Variants in HSD17B2 observed in about 807,000 individuals in gnomAD.
HSD17B2 encodes 17-beta-hydroxysteroid dehydrogenase type 2.
A neutral mutation model predicts 26.9 loss-of-function variants in HSD17B2; 32 were observed. The ratio of observed to expected loss-of-function variants is 1.19; its 90% confidence interval spans 0.90 to 1.60. The LOEUF (loss-of-function observed/expected upper bound fraction) is 1.60. HSD17B2 is among the 40% of genes most tolerant of loss of function. HSD17B2 has a pLI of 0.00. For missense variants in HSD17B2, 613 were observed against 468.6 expected, an observed-to-expected ratio of 1.31 and a Z score of -2.85; for synonymous variants, 246 against 186.7, an observed-to-expected ratio of 1.32 and a Z score of -2.59.
chr16:82,050,503 G>C (rs1220498581), intron 1 of HSD17B2, among the ~76,000 whole-genome samples: 1 of 151,976 alleles, frequency 6.6e-6, no homozygotes, highest in Non-Finnish European at 1.5e-5. Context: ...GTCTCTTTAA[G>C]TTGTTCTCTG....
rs755707814 is a variant in HSD17B2 at position 82,090,904 on chromosome 16, G to A, written c.667G>A (p.Gly223Arg). The change falls in exon 4 of 5, where the codon GGG becomes AGG. Residue 223 changes from glycine to arginine, a missense_variant and splice_region_variant. Coordinates refer to ENST00000199936, the MANE Select transcript of HSD17B2 (RefSeq NM_002153.3). ...TTTTTCTCCCATTATTCCCATAGGA[G>A]GGGCCCCAATGGAAAGGCTGGCATC... ...RLVNVSSMGG[G>R]APMERLASYG... is the part of the protein sequence containing the mutation. 2 of 1,610,166 alleles carry A rather than the reference G, an allele frequency of 1.2e-6. No individual in the cohort carries two copies. Among genetic ancestry groups the A allele is most frequent in the East Asian group, 4.5e-5 (2 of 44,826 alleles).
chr16:82,038,804 G>C (rs1030386390), intron 1 of HSD17B2, among the ~76,000 whole-genome samples: 3 of 152,174 alleles, frequency 2.0e-5, no homozygotes, highest in Admixed American at 1.3e-4. Context: ...GTGAGACATT[G>C]AGAAGTCCTC....
chr16:82,074,643 AG>A (rs2143990878), intron 3 of HSD17B2, among the ~76,000 whole-genome samples: 1 of 152,354 alleles, frequency 6.6e-6, no homozygotes, highest in East Asian at 1.9e-4. Flanking sequence ...ATTCAGCATG[AG>A]GATATAACCA....
chr16:82,036,653 AG>A (rs1677505466), intron 1 of HSD17B2, among the ~76,000 whole-genome samples: 2 of 152,164 alleles, frequency 1.3e-5, no homozygotes, highest in African/African-American at 4.8e-5. Context: ...TTTGGGTTAA[AG>A]TAAAATGCTT....
intron 4 of HSD17B2, chr16:82,092,550 A>G (rs1431735199): frequency 6.6e-6 from 1 of 152,240 alleles, no homozygotes; most frequent in African/African-American, 2.4e-5. Flanking sequence ...GGCTTGAAAC[A>G]CTTGATAGCT....
chr16:82,081,113 C>T (rs1904367261), intron 3 of HSD17B2, among the ~76,000 whole-genome samples: 1 of 152,160 alleles, frequency 6.6e-6, no homozygotes. Context: ...CATCCATCTA[C>T]TCTTAGCTGC....
At chr16:82,094,477 T>C (rs183101725) in intron 4 of HSD17B2, 1 of 152,316 alleles carries the variant, frequency 6.6e-6, no homozygotes, top group Admixed American at 6.5e-5. Flanking sequence ...GGATCTGGTA[T>C]CCCACGTACA....
chr16:82,061,511 G>C (rs568762271), intron 1 of HSD17B2, among the ~76,000 whole-genome samples: 25 of 152,188 alleles, frequency 1.6e-4, no homozygotes, highest in African/African-American at 6.0e-4. Flanking sequence ...CCAGAATCCA[G>C]GTTATCATCA....
intron 1 of HSD17B2, among the ~76,000 whole-genome samples, chr16:82,040,109 C>G (rs1466666255): frequency 1.3e-5 from 2 of 152,176 alleles, no homozygotes; most frequent in Non-Finnish European, 2.9e-5. Flanking sequence ...AATTTCAAAA[C>G]TGGATATATT....
At chr16:82,067,622 T>C (rs948944986) in intron 1 of HSD17B2, among the ~76,000 whole-genome samples, 3 of 152,172 alleles carry the variant, frequency 2.0e-5, no homozygotes, top group African/African-American at 7.2e-5. Flanking sequence ...AGACCATGGA[T>C]AGGGAAAAAG....
chr16:82,036,481 C>A (rs1913629709), intron 1 of HSD17B2, among the ~76,000 whole-genome samples: 1 of 151,482 alleles, frequency 6.6e-6, no homozygotes, highest in Non-Finnish European at 1.5e-5. Flanking sequence ...TTATCCTAAC[C>A]CAGAAAGCCC....
intron 1 of HSD17B2, among the ~76,000 whole-genome samples, chr16:82,057,418 C>T (rs1265138120): frequency 2.6e-5 from 4 of 152,086 alleles, no homozygotes; most frequent in Non-Finnish European, 2.9e-5. Flanking sequence ...AGGATGCTCT[C>T]GATTTCCTGA....
At position 82,035,285 on chromosome 16, in the gene HSD17B2, GC is replaced by G. The variant is rs1913591539; in HGVS notation, c.-139del. ...GGGAATATGATTATGCTTAATCTAT[GC>G]TCAGTTGAAAGGGGCTGGGGCTGCT... On this transcript the variant is annotated 5_prime_UTR_variant, in exon 1 of 5. An upstream open reading frame in the 5' UTR gains an earlier in-frame stop. Transcript: ENST00000199936. The G allele has an allele frequency of 1.5e-6, 1 of 678,408 alleles. No homozygotes were observed. The highest frequency in any genetic ancestry group is 2.8e-5 in the Admixed American group (1 of 35,360). 42.0% of individuals were successfully genotyped at this position (678,408 alleles called of 1,614,324 possible). A position where few individuals can be genotyped will look rare whatever the true frequency, so the allele number is the denominator to read the frequency against.
chr16:82,060,691 T>C (rs1393662222), intron 1 of HSD17B2, among the ~76,000 whole-genome samples: 1 of 152,184 alleles, frequency 6.6e-6, no homozygotes, highest in East Asian at 1.9e-4. Context: ...GATTCCACTA[T>C]GAGAAAGGGT....
chr16:82,093,707 G>A (rs1371674756), intron 4 of HSD17B2: 1 of 152,118 alleles, frequency 6.6e-6, no homozygotes, highest in African/African-American at 2.4e-5. Context: ...AATCTGTAGA[G>A]TAAAGTGAAA....
At chr16:82,046,069 T>C (rs946919702) in intron 1 of HSD17B2, among the ~76,000 whole-genome samples, 3 of 152,220 alleles carry the variant, frequency 2.0e-5, no homozygotes, top group African/African-American at 7.2e-5. Flanking sequence ...GGGTGCTGAC[T>C]GGGAGCAGGA....
intron 1 of HSD17B2, among the ~76,000 whole-genome samples, chr16:82,061,748 T>G (rs8191120): frequency 2.6e-5 from 4 of 152,268 alleles, no homozygotes; most frequent in Non-Finnish European, 5.9e-5. Context: ...GGTGAGATTA[T>G]GGAGAATACC....
At chr16:82,058,195 T>C (rs1914330342) in intron 1 of HSD17B2, among the ~76,000 whole-genome samples, 2 of 151,568 alleles carry the variant, frequency 1.3e-5, no homozygotes, top group Admixed American at 6.6e-5. Flanking sequence ...CTCAGCCTCC[T>C]GAGTAGCTGG....
intron 1 of HSD17B2, among the ~76,000 whole-genome samples, chr16:82,067,837 C>G (rs1266972243): frequency 6.6e-6 from 1 of 152,218 alleles, no homozygotes; most frequent in Non-Finnish European, 1.5e-5. Flanking sequence ...ATTACTGAAG[C>G]TACTTCCATT....
Sources: gnomAD v4.1 joint callset for allele counts (sites outside exome capture counted in the v4.1 genomes callset) on GRCh38, gnomAD v4.1.1 for gene constraint, MANE v1.5 for transcripts, NCBI Gene and HGNC (gene_info 2026-07-23, HGNC 2026-07-21) for gene names.